Variants in MELTF observed in about 807,000 individuals in gnomAD.
MELTF encodes melanotransferrin.
Under a neutral mutation model 83.7 loss-of-function variants are expected in MELTF, and 67 were observed. The ratio of observed to expected loss-of-function variants is 0.80; its 90% CI spans 0.66 to 0.98. The LOEUF is 0.98. Ranked by LOEUF, MELTF falls within the 50% of genes least tolerant of loss-of-function variation. The pLI, the probability that MELTF is intolerant of heterozygous loss-of-function variation, is 0.00. For synonymous variants in MELTF, 462 were observed against 447.6 expected (o/e 1.03, Z -0.41); for missense variants, 1,002 against 1,035.6 (o/e 0.97, Z 0.44).
At chr3:197,026,977 T>C in intron 2 of MELTF, 1 of 549,890 alleles carries the variant, frequency 1.8e-6, no homozygotes, top group South Asian at 2.4e-5. Flanking sequence ...AAAAAAATAC[T>C]AATCATTGAT....
chr3:197,009,942 G>T, intron 10 of MELTF, 130 bp from the exon 11 acceptor site: 1 of 851,898 alleles, frequency 1.2e-6, no homozygotes, highest in Non-Finnish European at 1.8e-6. Flanking sequence ...AGAGTACCCA[G>T]GCCTGAGGCC....
intron 6 of MELTF, among the ~76,000 whole-genome samples, chr3:197,020,278 G>T (rs1719566866): frequency 6.6e-6 from 1 of 152,218 alleles, no homozygotes; most frequent in Non-Finnish European, 1.5e-5. Context: ...GTCCTGGTCT[G>T]CAAGAAATGG....
In MELTF at chr3:197,016,289, G is replaced by A; in HGVS notation, c.981C>T (p.Asp327=). The A allele has an allele frequency of 2.5e-6, 4 of 1,613,322 alleles. No homozygotes were observed. Among genetic ancestry groups the A allele is most frequent in the Non-Finnish European group, 3.4e-6 (4 of 1,179,538 alleles). The change falls in exon 8 of 16, where the codon GAC becomes GAT. Residue 327 remains aspartate (D), a synonymous_variant. Transcript: ENST00000296350. The part of the protein sequence containing the change: ...AYGQKDLLFK[D]STSELVPIAT... ...CGATGGGCACAAGCTCCGAGGTAGAGTCTTTGAAGAGTAGATCCTTCTGGC... is the reference window on the plus strand; with the variant it reads ...CGATGGGCACAAGCTCCGAGGTAGAATCTTTGAAGAGTAGATCCTTCTGGC...
At position 197,024,786 on chromosome 3, in the gene MELTF, A is replaced by G. The variant is rs1351207760; in HGVS notation, c.305-301T>C. Among the ~76,000 whole-genome samples the G allele has an allele frequency of 6.6e-6, 1 of 152,120 alleles. No homozygotes were observed. The highest frequency in any genetic ancestry group is 2.4e-5 in the African/African-American group (1 of 41,418). ...AGCTGGGTCCACATTTGCTCACATC[A>G]GGGGAGTTATTTAGCTGGACAGAAA... is the stretch of plus-strand genomic sequence containing the variant. On this transcript the variant is annotated intron_variant, in intron 3 of 15. Coordinates refer to ENST00000296350, the MANE Select transcript of MELTF (RefSeq NM_005929.6). The surrounding 1 kb of genome is among the most constrained non-coding windows in gnomAD (Gnocchi z 5.3).
At chr3:197,023,464 TAAAG>T (rs1435825464) in intron 4 of MELTF, among the ~76,000 whole-genome samples, 1 of 152,062 alleles carries the variant, frequency 6.6e-6, no homozygotes, top group African/African-American at 2.4e-5. Context: ...AGAGGGGAAA[TAAAG>T]AATTATTGAA....
intron 6 of MELTF, among the ~76,000 whole-genome samples, chr3:197,018,617 T>C (rs1187495723): frequency 6.6e-6 from 1 of 151,828 alleles, no homozygotes; most frequent in Non-Finnish European, 1.5e-5. Context: ...TGGCTAATTT[T>C]TGTATTTTTC....
Position 197,029,537 on chromosome 3 carries a change from C to A in MELTF, c.49+117G>T. The stretch of plus-strand genomic sequence containing the variant: ...CTCGACCCCGAGCCCCTGCCTCCCC[C>A]GTCTCACTGCCCCGGAGCCGCAGGC... On this transcript the variant is annotated intron_variant, in intron 1 of 15. Coordinates refer to ENST00000296350, the MANE Select transcript of MELTF (RefSeq NM_005929.6). This position sits in a 1 kb window ranked among gnomAD's most constrained non-coding sequence, Gnocchi z 6.5. 1 of 801,964 alleles carries A rather than the reference C, an allele frequency of 1.2e-6. No individual in the cohort carries two copies. The highest frequency in any genetic ancestry group is 4.3e-5 in the Admixed American group (1 of 23,066). 49.7% of individuals were successfully genotyped at this position (801,964 alleles called of 1,614,324 possible).
chr3:197,003,938 C>A lies in MELTF; in HGVS notation c.2100G>T (p.Ala700=). ...ACTGCTGAGACGACATCCCTTCCAG[C>A]GCCGCCACGTAGTCCAGCCCCAGCC... ...RGWLGLDYVA[A]LEGMSSQQCS... is the part of the protein sequence containing the mutation. The change falls in exon 15 of 16, where the codon GCG becomes GCT. Residue 700 remains alanine, a synonymous_variant. Coordinates refer to ENST00000296350, the MANE Select transcript of MELTF (RefSeq NM_005929.6). The surrounding 1 kb of genome is among the most constrained non-coding windows in gnomAD (Gnocchi z 6.2). 6.2e-7 allele frequency: 1 copy of A among 1,614,064 alleles called. No homozygotes were observed. Among genetic ancestry groups the A allele is most frequent in the Non-Finnish European group, 8.5e-7 (1 of 1,180,024 alleles).
At chr3:197,004,163 G>T in intron 14 of MELTF, 64 bp from the exon 15 acceptor site, 1 of 1,482,122 alleles carries the variant, frequency 6.7e-7, no homozygotes, top group Non-Finnish European at 9.4e-7. Flanking sequence ...CCCGCCCAGT[G>T]CCGCTAGCTG....
chr3:197,015,015 G>A (rs1719309759), intron 9 of MELTF, among the ~76,000 whole-genome samples: 1 of 152,256 alleles, frequency 6.6e-6, no homozygotes, highest in Non-Finnish European at 1.5e-5. Context: ...TCAGAAAGGG[G>A]AAGGGGCTTG....
rs952015650 is a variant in MELTF at position 197,006,092 on chromosome 3, G to A, written c.1938+457C>T. 6.6e-6 allele frequency among the ~76,000 whole-genome samples: 1 copy of A among 152,120 alleles called. No individual in the cohort carries two copies. The highest frequency in any genetic ancestry group is 1.5e-5 in the Non-Finnish European group (1 of 68,030). On this transcript the variant is annotated intron_variant, in intron 14 of 15. Coordinates refer to ENST00000296350, the MANE Select transcript of MELTF (RefSeq NM_005929.6). This position sits in a 1 kb window ranked among gnomAD's most constrained non-coding sequence, Gnocchi z 5.4. Reference sequence around the variant, plus strand: ...AAAAATTAGCCAGGCATGGTGGCGGGTGCCTGTAGTCCCAGCTACTCAGGA... The same window carrying A: ...AAAAATTAGCCAGGCATGGTGGCGGATGCCTGTAGTCCCAGCTACTCAGGA...
chr3:197,009,820 G>A lies in MELTF; in HGVS notation c.1331-8C>T, dbSNP rs971519600. ...AGTTGCTGCTGTCTTCCGCTGGGGA[G>A]AGAGGGACTCACGTGAGGGGCCCCT... On this transcript the variant is annotated splice_region_variant and splice_polypyrimidine_tract_variant and intron_variant, in intron 10 of 15. Coordinates refer to ENST00000296350, the MANE Select transcript of MELTF (RefSeq NM_005929.6). 6.2e-7 allele frequency: 1 copy of A among 1,604,678 alleles called. No individual in the cohort carries two copies. The highest frequency in any genetic ancestry group is 8.5e-7 in the Non-Finnish European group (1 of 1,172,982).
chr3:197,009,560 C>G, intron 11 of MELTF, 58 bp downstream of exon 11: 2 of 1,528,204 alleles, frequency 1.3e-6, no homozygotes, highest in Admixed American at 3.7e-5. Flanking sequence ...GGCTGCGGGT[C>G]CCTAGCTAAC....
chr3:197,008,697 A>G lies in MELTF; in HGVS notation c.1710T>C (p.Val570=). ...AGACGGTTGTGTGCCTGACGAAGGC[A>G]ACGTCACCCGCATTCTCCACCAGGC... ...FRCLVENAGD[V]AFVRHTTVFD... is the part of the protein sequence containing the mutation. The change falls in exon 13 of 16, where the codon GTT becomes GTC. Residue 570 remains valine, a synonymous_variant. Transcript: ENST00000296350. The surrounding 1 kb of genome is among the most constrained non-coding windows in gnomAD (Gnocchi z 5.4). 2 of 1,614,088 alleles carry G rather than the reference A, an allele frequency of 1.2e-6. No individual in the cohort carries two copies. Among genetic ancestry groups the G allele is most frequent in the Non-Finnish European group, 1.7e-6 (2 of 1,179,994 alleles).
rs1718979286 is a variant in MELTF at position 197,006,448 on chromosome 3, C to G, written c.1938+101G>C. On this transcript the variant is annotated intron_variant, in intron 14 of 15. Transcript: ENST00000296350. This position sits in a 1 kb window ranked among gnomAD's most constrained non-coding sequence, Gnocchi z 5.4. ...TCACAGAATTTCCCCCGGGCTTCCTCAATTTCTCTAGAGGTCTGCTCCAGG... is the reference window on the plus strand; with the variant it reads ...TCACAGAATTTCCCCCGGGCTTCCTGAATTTCTCTAGAGGTCTGCTCCAGG... 3.7e-6 allele frequency: 4 copies of G among 1,077,322 alleles called. No individual in the cohort carries two copies. The highest frequency in any genetic ancestry group is 5.1e-6 in the Non-Finnish European group (4 of 780,346). The allele number at this position is 1,077,322 out of a possible 1,614,324, so 66.7% of individuals were successfully genotyped here.
rs529093598 is a variant in MELTF, at chr3:197,003,763, C to T, written c.2137+138G>A. ...CGCAGCCTCCTGGCCAAAATCCTCCCGGGACACCCCACCTGGACTGCTGCG... is the reference window on the plus strand; with the variant it reads ...CGCAGCCTCCTGGCCAAAATCCTCCTGGGACACCCCACCTGGACTGCTGCG... On this transcript the variant is annotated intron_variant, in intron 15 of 15. Transcript: ENST00000296350. The surrounding 1 kb of genome is among the most constrained non-coding windows in gnomAD (Gnocchi z 6.2). 5.2e-6 allele frequency: 5 copies of T among 956,306 alleles called. No individual in the cohort carries two copies. Among genetic ancestry groups the T allele is most frequent in the African/African-American group, 1.6e-5 (1 of 60,684 alleles). 59.2% of individuals were successfully genotyped at this position (956,306 alleles called of 1,614,324 possible). A position where few individuals can be genotyped will look rare whatever the true frequency, so the allele number is the denominator to read the frequency against.
chr3:197,014,548 C>T (rs766297143), intron 9 of MELTF, among the ~76,000 whole-genome samples: 3 of 151,940 alleles, frequency 2.0e-5, no homozygotes, highest in South Asian at 2.1e-4. Flanking sequence ...CCACCATGCT[C>T]GGCTAATTTT....
chr3:197,021,740 A>G (rs186143195), intron 5 of MELTF, among the ~76,000 whole-genome samples: 14 of 152,252 alleles, frequency 9.2e-5, no homozygotes, highest in Admixed American at 8.5e-4. Context: ...ATAATCCAGT[A>G]TGGACCCTCT....
At chr3:197,026,860 A>G (rs1719878652) in intron 2 of MELTF, 101 bp from the exon 3 acceptor site, 1 of 930,640 alleles carries the variant, frequency 1.1e-6, no homozygotes. Flanking sequence ...CCCAAGCCCC[A>G]GAGGGCTGTG....
Sources: gnomAD v4.1 joint callset for allele counts (sites outside exome capture counted in the v4.1 genomes callset) on GRCh38, gnomAD v4.1.1 for gene constraint, Gnocchi (gnomAD v3.1) non-coding constraint, MANE v1.5 for transcripts, NCBI Gene and HGNC (gene_info 2026-07-23, HGNC 2026-07-21) for gene names.